The following UNC79 variants were observed in gnomAD, a reference collection of about 807,000 sequenced individuals.
The protein encoded by UNC79 is unc-79 subunit of NALCN channel complex, also known as protein unc-79 homolog.
UNC79 carries 37 observed loss-of-function variants against 283.1 expected under a neutral mutation model. That is an observed-to-expected ratio of 0.13 (90% CI 0.10 to 0.17). The LOEUF (loss-of-function observed/expected upper bound fraction) is 0.17, where lower values mean the gene tolerates loss of function less well. Ranked by LOEUF, UNC79 falls within the 10% of genes least tolerant of loss-of-function variation. The pLI is 1.00. For missense variants in UNC79, 2,272 were observed against 3,211.1 expected (o/e 0.71, Z 7.07); for synonymous variants, 1,107 against 1,200.2 (o/e 0.92, Z 1.61).
intron 1 of UNC79, among the ~76,000 whole-genome samples, chr14:93,392,952 A>G (rs2054913498): frequency 6.6e-6 from 1 of 152,140 alleles, no homozygotes; most frequent in Non-Finnish European, 1.5e-5. Context: ...TAATTGTGAT[A>G]ATTCCTTTAA....
At chr14:93,533,311 A>G (rs2060914955) in intron 11 of UNC79, among the ~76,000 whole-genome samples, 2 of 152,172 alleles carry the variant, frequency 1.3e-5, no homozygotes, top group Non-Finnish European at 2.9e-5. Flanking sequence ...TCAGTTATCT[A>G]TGGATGCATA....
intron 25 of UNC79, 70 bp downstream of exon 25, chr14:93,600,840 C>CA: frequency 6.5e-7 from 1 of 1,537,900 alleles, no homozygotes; most frequent in South Asian, 1.2e-5. Context: ...AAACAGAAGA[C>CA]ATTGGCATGT....
In UNC79 at chr14:93,674,110, C is replaced by T. The variant is rs1434324736; in HGVS notation, c.6741+655C>T. Among the ~76,000 whole-genome samples, 4 of 152,004 alleles carry T rather than the reference C, an allele frequency of 2.6e-5. No homozygotes were observed. In the East Asian group the frequency reaches 5.8e-4, roughly 22 times the overall value. ...GCATCTTAGGCAGGCATGCAGGTTT[C>T]GATGACCTGAGACAGGCTATGATAG... On this transcript the variant is annotated intron_variant, in intron 41 of 48. Coordinates refer to ENST00000555664, the Ensembl canonical transcript of UNC79.
At chr14:93,374,583 G>A (rs1352990655) in intron 1 of UNC79, among the ~76,000 whole-genome samples, 7 of 152,048 alleles carry the variant, frequency 4.6e-5, no homozygotes, top group Non-Finnish European at 1.0e-4. Context: ...TTGTCACTTA[G>A]GAAGGCGTAC....
chr14:93,611,559 T>C (rs1218076728), intron 26 of UNC79, among the ~76,000 whole-genome samples: 2 of 152,156 alleles, frequency 1.3e-5, no homozygotes, highest in African/African-American at 2.4e-5. Flanking sequence ...CCAGAAACAT[T>C]TCTTATGCCT....
At chr14:93,464,137 A>G (rs2057065075) in intron 1 of UNC79, among the ~76,000 whole-genome samples, 1 of 152,202 alleles carries the variant, frequency 6.6e-6, no homozygotes, top group Non-Finnish European at 1.5e-5. Context: ...TGACAGAGCG[A>G]GACTCCATCT....
intron 14 of UNC79, among the ~76,000 whole-genome samples, chr14:93,562,417 G>A (rs1056112926): frequency 6.6e-6 from 1 of 152,216 alleles, no homozygotes; most frequent in African/African-American, 2.4e-5. Flanking sequence ...GGTTGGGGCT[G>A]AGCAAGAAAG....
At chr14:93,348,088 C>T in intron 1 of UNC79, 1 of 1,610,344 alleles carries the variant, frequency 6.2e-7, no homozygotes, top group Non-Finnish European at 8.5e-7. Flanking sequence ...TGCATATGTG[C>T]TAGGCAACCT....
At chr14:93,603,981 C>G (rs1596034768) in intron 26 of UNC79, among the ~76,000 whole-genome samples, 2 of 151,988 alleles carry the variant, frequency 1.3e-5, no homozygotes, top group South Asian at 4.1e-4. Context: ...GCTTCATTGC[C>G]AATATTTTAA....
chr14:93,448,129 C>A (rs2056520714), intron 1 of UNC79, among the ~76,000 whole-genome samples: 1 of 150,752 alleles, frequency 6.6e-6, no homozygotes, highest in Admixed American at 6.6e-5. Flanking sequence ...ATATGTACCT[C>A]TTACTGTTTG....
intron 24 of UNC79, among the ~76,000 whole-genome samples, chr14:93,600,214 G>GAAAC (rs1293771130): frequency 6.6e-5 from 10 of 152,018 alleles, no homozygotes; most frequent in African/African-American, 1.7e-4. Context: ...AACAAACAAA[G>GAAAC]AAACAAACAA....
intron 1 of UNC79, among the ~76,000 whole-genome samples, chr14:93,450,390 G>T (rs1302194893): frequency 4.6e-5 from 7 of 152,118 alleles, no homozygotes; most frequent in Non-Finnish European, 8.8e-5. Context: ...GGGGTTCTTG[G>T]TGATGGCAAC....
At chr14:93,691,833 G>C (rs768569076) in exon 46 of UNC79, 1 of 1,614,112 alleles carries the variant, frequency 6.2e-7, no homozygotes, top group African/African-American at 1.3e-5. Context: ...AAGTGCCGTC[G>C]CTACAAATCT....
intron 2 of UNC79, among the ~76,000 whole-genome samples, chr14:93,473,561 CAT>C (rs1034584263): frequency 1.3e-5 from 2 of 152,114 alleles, no homozygotes; most frequent in East Asian, 1.9e-4. Flanking sequence ...ATGCAATAAA[CAT>C]GTGATTTTTA....
At chr14:93,540,113 T>C (rs1179049302) in intron 12 of UNC79, among the ~76,000 whole-genome samples, 2 of 152,266 alleles carry the variant, frequency 1.3e-5, no homozygotes, top group East Asian at 3.8e-4. Flanking sequence ...TGTATAGATT[T>C]ACAATGCCAA....
At chr14:93,389,627 C>A (rs546514797) in intron 1 of UNC79, among the ~76,000 whole-genome samples, 1 of 149,870 alleles carries the variant, frequency 6.7e-6, no homozygotes, top group African/African-American at 2.5e-5. Context: ...AATACAAATT[C>A]TTCCAGAAAA....
intron 1 of UNC79, among the ~76,000 whole-genome samples, chr14:93,379,609 A>G (rs2054625481): frequency 6.6e-6 from 1 of 151,154 alleles, no homozygotes; most frequent in Non-Finnish European, 1.5e-5. Context: ...CACCCATTAA[A>G]CCAATTGTTG....
rs1341571713 is a variant in UNC79 at position 93,528,549 on chromosome 14, A to G, written c.964-9A>G. On this transcript the variant is annotated splice_polypyrimidine_tract_variant and intron_variant, in intron 8 of 48. Transcript: ENST00000555664. ...AGGAGAGTTCATTCTGTCTTTTCAT[A>G]TGTTTCAGATGTGTATAGACCCTTC... 6.2e-7 allele frequency: 1 copy of G among 1,612,386 alleles called. No individual in the cohort carries two copies. The highest frequency in any genetic ancestry group is 8.5e-7 in the Non-Finnish European group (1 of 1,178,754).
chr14:93,687,100 T>C (rs772409252), intron 43 of UNC79, among the ~76,000 whole-genome samples: 1 of 152,184 alleles, frequency 6.6e-6, no homozygotes, highest in Non-Finnish European at 1.5e-5. Context: ...GTTTCCTCAT[T>C]TGAAGAACGA....
Sources: allele counts gnomAD v4.1 joint callset (sites outside exome capture counted in the v4.1 genomes callset), GRCh38; gene constraint gnomAD v4.1.1; transcripts MANE v1.5; gene names NCBI Gene and HGNC (gene_info 2026-07-23, HGNC 2026-07-21).